Variants in ETV1 observed in about 807,000 individuals in gnomAD.
ETV1 encodes the protein ETS variant transcription factor 1.
In ETV1, 27 loss-of-function variants were observed where a neutral mutation model predicts 62.3. The observed-to-expected ratio is 0.43, with a 90% CI of 0.32 to 0.60. The LOEUF (loss-of-function observed/expected upper bound fraction) is 0.60, where lower values mean the gene tolerates loss of function less well. Ranked by LOEUF, ETV1 falls within the 20% of genes least tolerant of loss-of-function variation. ETV1 has a pLI of 0.06. For missense variants in ETV1, 605 were observed against 605.8 expected (o/e 1.00, Z 0.01); for synonymous variants, 222 against 199.6 (o/e 1.11, Z -0.94).
intron 6 of ETV1, among the ~76,000 whole-genome samples, chr7:13,946,003 T>TC (rs1407514169): frequency 2.0e-5 from 3 of 152,344 alleles, no homozygotes; most frequent in Non-Finnish European, 2.9e-5. Context: ...TACAGTACCA[T>TC]CCTTGCTGAG....
At chr7:13,967,975 T>C (rs1448066824) in intron 6 of ETV1, among the ~76,000 whole-genome samples, 2 of 152,116 alleles carry the variant, frequency 1.3e-5, no homozygotes, top group Admixed American at 6.5e-5. Flanking sequence ...ACAAAAAGTA[T>C]AATATTTGGT....
chr7:13,907,970 A>T, intron 11 of ETV1: 1 of 360,076 alleles, frequency 2.8e-6, no homozygotes, highest in Admixed American at 3.7e-5. Context: ...TGACAGTTTT[A>T]TTTATCTCAG....
intron 6 of ETV1, among the ~76,000 whole-genome samples, chr7:13,963,342 G>A (rs1790405940): frequency 6.6e-6 from 1 of 151,930 alleles, no homozygotes; most frequent in South Asian, 2.1e-4. Context: ...CAAGCTGCAT[G>A]TTACCAAAAT....
intron 9 of ETV1, among the ~76,000 whole-genome samples, chr7:13,928,175 C>T (rs924359240): frequency 7.9e-5 from 12 of 152,228 alleles, no homozygotes; most frequent in Admixed American, 3.3e-4. Flanking sequence ...TGCTGTATTT[C>T]GCCCTTATTA....
At chr7:13,897,902 G>C (rs559195034) in intron 13 of ETV1, among the ~76,000 whole-genome samples, 6 of 152,158 alleles carry the variant, frequency 3.9e-5, no homozygotes, top group South Asian at 2.1e-4. Context: ...TGTGGAGGAA[G>C]ATACATTTGC....
chr7:13,895,921 A>G lies in ETV1; in HGVS notation c.1379T>C (p.Met460Thr). ...GGGGTTGCAGCAGCCCCCTTCCGGCATGTAGGCCATGCTCTCATCAAAGTG... is the reference window on the plus strand; with the variant it reads ...GGGGTTGCAGCAGCCCCCTTCCGGCGTGTAGGCCATGCTCTCATCAAAGTG... ...LSHFDESMAY[M>T]PEGGCCNPHP... The change falls in exon 14 of 14, where the codon ATG becomes ACG. Residue 460 changes from methionine to threonine, a missense_variant. Transcript: ENST00000430479. 1 of 1,613,766 alleles carries G rather than the reference A, an allele frequency of 6.2e-7. No homozygotes were observed. Among genetic ancestry groups the G allele is most frequent in the Non-Finnish European group, 8.5e-7 (1 of 1,179,818 alleles).
chr7:13,919,079 A>G (rs1406555131), intron 9 of ETV1, among the ~76,000 whole-genome samples: 1 of 152,168 alleles, frequency 6.6e-6, no homozygotes, highest in African/African-American at 2.4e-5. Flanking sequence ...AATCATGTCA[A>G]TGGGAATCCT....
Position 13,895,941 on chromosome 7 carries a change from A to C in ETV1, c.1359T>G (p.Phe453Leu). The C allele has an allele frequency of 6.2e-7, 1 of 1,613,772 alleles. No individual in the cohort carries two copies. Among genetic ancestry groups the C allele is most frequent in the South Asian group, 1.1e-5 (1 of 90,992 alleles). The change falls in exon 14 of 14, where the codon TTT (phenylalanine) becomes TTG (leucine). Residue 453 changes from phenylalanine to leucine, a missense_variant. By Grantham distance (22) the Phe-to-Leu change is conservative. This residue lies in a region of ETV1 where 79 missense variants were observed against 71.6 expected (regional missense o/e 1.10). Coordinates refer to ENST00000430479, the MANE Select transcript of ETV1 (RefSeq NM_004956.5). ...CCGGCATGTAGGCCATGCTCTCATC[A>C]AAGTGAGAAAGAGGCACTGTGTCCT... is the stretch of plus-strand genomic sequence containing the variant. ...NEEDTVPLSH[F>L]DESMAYMPEG...
At chr7:13,953,316 A>G (rs949503090) in intron 6 of ETV1, among the ~76,000 whole-genome samples, 4 of 152,126 alleles carry the variant, frequency 2.6e-5, no homozygotes, top group Non-Finnish European at 5.9e-5. Context: ...CCTAATTATG[A>G]CCTTTATGAA....
At chr7:13,967,241 G>A (rs1780389717) in intron 6 of ETV1, among the ~76,000 whole-genome samples, 1 of 152,004 alleles carries the variant, frequency 6.6e-6, no homozygotes, top group African/African-American at 2.4e-5. Context: ...CTCTTCAACA[G>A]GACCTAAAAA....
chr7:13,950,931 C>T (rs1284300790), intron 6 of ETV1, among the ~76,000 whole-genome samples: 1 of 147,814 alleles, frequency 6.8e-6, no homozygotes, highest in Non-Finnish European at 1.5e-5. Flanking sequence ...CACACACACA[C>T]ACACACACAC....
intron 11 of ETV1, among the ~76,000 whole-genome samples, 192 bp from the exon 12 acceptor site, chr7:13,906,791 G>A (rs1339225497): frequency 2.6e-5 from 4 of 152,190 alleles, no homozygotes; most frequent in African/African-American, 7.2e-5. Flanking sequence ...CAAGCTGTAC[G>A]AACTTACAGA....
chr7:13,964,097 C>T (rs762182744), intron 6 of ETV1, among the ~76,000 whole-genome samples: 7 of 152,144 alleles, frequency 4.6e-5, no homozygotes, highest in Non-Finnish European at 7.3e-5. Context: ...ACTGCATCAC[C>T]TGACATTCTG....
chr7:13,914,287 T>C (rs573389045), intron 9 of ETV1, among the ~76,000 whole-genome samples: 1 of 152,272 alleles, frequency 6.6e-6, no homozygotes, highest in African/African-American at 2.4e-5. Context: ...AAAATTAAAT[T>C]ATGTAAATTT....
intron 6 of ETV1, among the ~76,000 whole-genome samples, chr7:13,961,171 G>T (rs1476947444): frequency 1.3e-5 from 2 of 151,720 alleles, no homozygotes; most frequent in Admixed American, 6.6e-5. Flanking sequence ...AAAAGAAAAA[G>T]AAAAATCTGT....
At chr7:13,976,689 A>T (rs907578239) in intron 6 of ETV1, among the ~76,000 whole-genome samples, 2 of 152,208 alleles carry the variant, frequency 1.3e-5, no homozygotes, top group African/African-American at 4.8e-5. Flanking sequence ...AGCTGGTAGA[A>T]TGGCAGATTA....
At chr7:13,923,932 G>C (rs1044781159) in intron 9 of ETV1, among the ~76,000 whole-genome samples, 2 of 152,112 alleles carry the variant, frequency 1.3e-5, no homozygotes, top group Admixed American at 6.5e-5. Context: ...CTACTCAGGA[G>C]GCTGAGGCAG....
chr7:13,977,947 T>C (rs940517832), intron 5 of ETV1, among the ~76,000 whole-genome samples: 5 of 152,176 alleles, frequency 3.3e-5, no homozygotes, highest in African/African-American at 4.8e-5. Context: ...TCTGCTGGTA[T>C]GTTCTCTGTC....
intron 9 of ETV1, among the ~76,000 whole-genome samples, chr7:13,925,816 A>G (rs1192288412): frequency 6.6e-6 from 1 of 151,616 alleles, no homozygotes; most frequent in Non-Finnish European, 1.5e-5. Context: ...TCGCCCTCCC[A>G]AAGTGCTGGG....
Sources: allele counts gnomAD v4.1 joint callset (sites outside exome capture counted in the v4.1 genomes callset), GRCh38; gene constraint gnomAD v4.1.1; regional missense constraint gnomAD v4.1.1; transcripts MANE v1.5; gene names NCBI Gene and HGNC (gene_info 2026-07-23, HGNC 2026-07-21).